Variants in PCDHA9 observed in about 807,000 individuals in gnomAD.
The protein encoded by PCDHA9 is protocadherin alpha-9.
In PCDHA9, 62 loss-of-function variants were observed where a neutral mutation model predicts 62.0. The ratio of observed to expected loss-of-function variants is 1.00; its 90% CI spans 0.81 to 1.23. The LOEUF (loss-of-function observed/expected upper bound fraction) is 1.23, where lower values mean the gene tolerates loss of function less well. Among genes scored for constraint, PCDHA9 ranks in the 50% most tolerant of loss-of-function variants. PCDHA9 has a pLI of 0.00. For missense variants in PCDHA9, 1,205 were observed against 1,249.8 expected, an observed-to-expected ratio of 0.96 and a Z score of 0.54; for synonymous variants, 557 against 567.6, an observed-to-expected ratio of 0.98 and a Z score of 0.27.
intron 1 of PCDHA9, among the ~76,000 whole-genome samples, chr5:140,943,416 A>T (rs556948015): frequency 2.6e-5 from 4 of 152,286 alleles, no homozygotes; most frequent in African/African-American, 9.6e-5. Flanking sequence ...GACTAGAGGC[A>T]AGGGCTTTAA....
At chr5:140,856,807 T>C in intron 1 of PCDHA9, 1 of 1,594,936 alleles carries the variant, frequency 6.3e-7, no homozygotes, top group Non-Finnish European at 8.6e-7. Context: ...TGTATGAAAA[T>C]CAAGTGAACC....
chr5:140,955,676 C>T (rs374545278), intron 1 of PCDHA9, among the ~76,000 whole-genome samples: 40 of 152,096 alleles, frequency 2.6e-4, no homozygotes, highest in African/African-American at 8.7e-4. Context: ...ATAGTTTTTT[C>T]GAAATCTGTG....
At chr5:140,861,662 G>A (rs1396410741) in intron 1 of PCDHA9, 1 of 264,436 alleles carries the variant, frequency 3.8e-6, no homozygotes, top group East Asian at 9.8e-5. Flanking sequence ...TGAAACGAGA[G>A]CTCTTGATTA....
intron 1 of PCDHA9, chr5:140,884,243 C>A: frequency 6.2e-7 from 1 of 1,613,466 alleles, no homozygotes; most frequent in Non-Finnish European, 8.5e-7. Flanking sequence ...TGAGCCCGCG[C>A]TGACGGCCAC....
At chr5:140,868,100 AT>A (rs2050277597) in intron 1 of PCDHA9, 2 of 152,142 alleles carry the variant, frequency 1.3e-5, no homozygotes, top group South Asian at 4.1e-4. Context: ...TGATAATAAA[AT>A]TTATTTTATA....
intron 3 of PCDHA9, among the ~76,000 whole-genome samples, chr5:141,001,710 G>A (rs1422821009): frequency 6.6e-6 from 1 of 152,208 alleles, no homozygotes; most frequent in Non-Finnish European, 1.5e-5. Flanking sequence ...AGGGGGCGGG[G>A]AAGGAGCTTG....
chr5:140,884,305 G>C, intron 1 of PCDHA9: 1 of 1,613,720 alleles, frequency 6.2e-7, no homozygotes, highest in African/African-American at 1.3e-5. Flanking sequence ...CACAGGCTTC[G>C]TCGAGGGCGT....
chr5:140,862,339 C>T (rs1221529489), intron 1 of PCDHA9: 2 of 332,834 alleles, frequency 6.0e-6, no homozygotes, highest in Non-Finnish European at 1.2e-5. Context: ...TTGACCCTAA[C>T]TTCAGTGCCA....
chr5:140,979,144 T>C, intron 2 of PCDHA9, 137 bp downstream of exon 2: 1 of 1,448,584 alleles, frequency 6.9e-7, no homozygotes. Flanking sequence ...GCAATTATTT[T>C]GTCCCCATGT....
chr5:140,897,636 C>A (rs2066236074), intron 1 of PCDHA9, among the ~76,000 whole-genome samples: 1 of 152,038 alleles, frequency 6.6e-6, no homozygotes, highest in African/African-American at 2.4e-5. Context: ...GTGTATAGTG[C>A]CACAATAAAC....
At chr5:140,942,867 C>T (rs1023164811) in intron 1 of PCDHA9, among the ~76,000 whole-genome samples, 5 of 151,858 alleles carry the variant, frequency 3.3e-5, no homozygotes, top group Admixed American at 1.3e-4. Context: ...TTTGCTTTAG[C>T]ATGACAACTT....
At chr5:140,999,638 CTG>C (rs2097866913) in intron 3 of PCDHA9, among the ~76,000 whole-genome samples, 1 of 152,170 alleles carries the variant, frequency 6.6e-6, no homozygotes, top group Non-Finnish European at 1.5e-5. Flanking sequence ...GTAGAGAAAA[CTG>C]TGCAGCCTGA....
intron 1 of PCDHA9, among the ~76,000 whole-genome samples, chr5:140,954,491 T>C (rs1554221443): frequency 6.6e-6 from 1 of 152,264 alleles, no homozygotes; most frequent in Non-Finnish European, 1.5e-5. Flanking sequence ...TATTTCATTG[T>C]GGTTTTGATT....
Position 140,982,515 on chromosome 5 carries a change from C to A in PCDHA9, c.2494C>A (p.Pro832Thr), listed in dbSNP as rs1278779763. ...LEEAGILRAG[P>T]GGPDQQWPTV... ...GGAGGCTGGCATTCTACGGGCTGGT[C>A]CAGGAGGGCCTGATCAGCAGTGGCC... Residue 832 changes from proline (P) to threonine (T), a missense_variant, in exon 3 of 4, where the codon CCA becomes ACA. Pro to Thr is a conservative substitution (Grantham distance 38, BLOSUM62 -1). Transcript: ENST00000532602. 3 of 1,614,058 alleles carry A rather than the reference C, an allele frequency of 1.9e-6. No individual in the cohort carries two copies. Among genetic ancestry groups the A allele is most frequent in the Middle Eastern group, 1.6e-4 (1 of 6,080 alleles).
intron 1 of PCDHA9, among the ~76,000 whole-genome samples, chr5:140,943,273 A>G (rs1451221832): frequency 1.3e-5 from 2 of 150,472 alleles, no homozygotes; most frequent in East Asian, 1.9e-4. Flanking sequence ...AAAAAAAAAA[A>G]AAAAGAAAGA....
intron 1 of PCDHA9, chr5:140,863,708 A>G: frequency 3.5e-6 from 1 of 284,690 alleles, no homozygotes; most frequent in Non-Finnish European, 6.9e-6. Flanking sequence ...TTTAAAGTAC[A>G]CTGGGGCCGG....
intron 1 of PCDHA9, chr5:140,865,236 G>A (rs192476838): frequency 8.5e-5 from 13 of 152,224 alleles, no homozygotes; most frequent in Admixed American, 3.3e-4. Flanking sequence ...CAGAGAACAC[G>A]TATTTATAGC....
intron 1 of PCDHA9, chr5:140,968,051 C>T (rs1353005851): frequency 1.2e-6 from 2 of 1,614,018 alleles, no homozygotes; most frequent in African/African-American, 1.3e-5. Flanking sequence ...CCCACTGGAC[C>T]GAGAGCGGGT....
chr5:140,858,449 G>A, intron 1 of PCDHA9: 3 of 1,532,030 alleles, frequency 2.0e-6, no homozygotes, highest in African/African-American at 2.8e-5. Context: ...GGGTTATTAC[G>A]TTTTCATTTT....
Sources: gnomAD v4.1 joint callset for allele counts (sites outside exome capture counted in the v4.1 genomes callset) on GRCh38, gnomAD v4.1.1 for gene constraint, MANE v1.5 for transcripts, NCBI Gene and HGNC (gene_info 2026-07-23, HGNC 2026-07-21) for gene names.